Variants in LMO7 observed in about 807,000 individuals in gnomAD.
LMO7 encodes the protein LIM domain only protein 7.
Under a neutral mutation model 206.5 loss-of-function variants are expected in LMO7, and 120 were observed. The observed-to-expected ratio is 0.58, with a 90% CI of 0.50 to 0.68. LMO7 has a LOEUF of 0.68. Ranked by LOEUF, LMO7 falls within the 30% of genes least tolerant of loss-of-function variation. The pLI is 0.00. For missense variants in LMO7, 1,959 were observed against 1,957.9 expected, an observed-to-expected ratio of 1.00 and a Z score of -0.01; for synonymous variants, 706 against 681.5, an observed-to-expected ratio of 1.04 and a Z score of -0.56.
chr13:75,624,898 A>G (rs1467056512), intron 2 of LMO7, among the ~76,000 whole-genome samples: 1 of 151,698 alleles, frequency 6.6e-6, no homozygotes, highest in Non-Finnish European at 1.5e-5. Context: ...CTTAGACACA[A>G]GGATCCACAC....
chr13:75,718,470 T>C (rs1335021694), intron 2 of LMO7, among the ~76,000 whole-genome samples: 2 of 152,206 alleles, frequency 1.3e-5, no homozygotes, highest in African/African-American at 4.8e-5. Context: ...CTGTTGTTTT[T>C]GTTTTGAAGA....
intron 3 of LMO7, among the ~76,000 whole-genome samples, chr13:75,733,243 G>T (rs1268171824): frequency 6.6e-6 from 1 of 152,242 alleles, no homozygotes; most frequent in African/African-American, 2.4e-5. Context: ...AGCCTACAGA[G>T]GCAGGCAGGC....
chr13:75,839,386 G>A (rs1375226188), intron 20 of LMO7, among the ~76,000 whole-genome samples: 2 of 151,990 alleles, frequency 1.3e-5, no homozygotes, highest in African/African-American at 4.8e-5. Context: ...TGACAGCTGA[G>A]GTTTCAAGAA....
intron 3 of LMO7, among the ~76,000 whole-genome samples, chr13:75,752,428 C>T (rs576730191): frequency 7.2e-5 from 11 of 152,210 alleles, no homozygotes; most frequent in Admixed American, 3.3e-4. Flanking sequence ...CCACTGCACC[C>T]GGCCAAAGAA....
At chr13:75,751,952 GA>G (rs2047305800) in intron 3 of LMO7, among the ~76,000 whole-genome samples, 1 of 152,112 alleles carries the variant, frequency 6.6e-6, no homozygotes. Flanking sequence ...AAGTAAAAGT[GA>G]AAGTGACTTT....
intron 2 of LMO7, among the ~76,000 whole-genome samples, chr13:75,717,651 C>A (rs549834288): frequency 6.6e-6 from 1 of 152,044 alleles, no homozygotes; most frequent in Non-Finnish European, 1.5e-5. Flanking sequence ...TTTTAAGGCA[C>A]GGGGTAAGAT....
intron 3 of LMO7, among the ~76,000 whole-genome samples, chr13:75,745,268 G>A (rs1216048439): frequency 6.6e-6 from 1 of 152,096 alleles, no homozygotes; most frequent in Non-Finnish European, 1.5e-5. Flanking sequence ...TGTTGGGTAG[G>A]CTACATTTTA....
chr13:75,834,126 T>C (rs2058925959), intron 16 of LMO7, 100 bp from the exon 17 acceptor site: 1 of 815,416 alleles, frequency 1.2e-6, no homozygotes. Context: ...GAGAAATGGT[T>C]AATTGAAATT....
chr13:75,786,819 A>G (rs2140465778), intron 4 of LMO7, among the ~76,000 whole-genome samples: 1 of 152,262 alleles, frequency 6.6e-6, no homozygotes, highest in South Asian at 2.1e-4. Flanking sequence ...TCTAATTACC[A>G]ATTTACCTAC....
rs1278980489 is a variant in LMO7 at position 75,840,460 on chromosome 13, G to C, written c.3547G>C (p.Glu1183Gln). The change falls in exon 22 of 31, where the codon GAG becomes CAG. Residue 1183 changes from glutamate to glutamine, a missense_variant. By Grantham distance (29) the Glu-to-Gln change is conservative (BLOSUM62 2). Coordinates refer to ENST00000377534, the MANE Select transcript of LMO7 (RefSeq NM_001306080.2). Reference sequence around the variant, plus strand: ...TCAAGAGGAGGAGCGGAAGCGGCAGGAGAGGTGGCAGAAGGAGCAGGACCG... The same window carrying C: ...TCAAGAGGAGGAGCGGAAGCGGCAGCAGAGGTGGCAGAAGGAGCAGGACCG... The part of the protein sequence containing the change: ...WDQEEERKRQ[E>Q]RWQKEQDRLL... 1.9e-6 allele frequency: 3 copies of C among 1,613,926 alleles called. No individual in the cohort carries two copies. The highest frequency in any genetic ancestry group is 1.7e-5 in the Admixed American group (1 of 59,998).
intron 3 of LMO7, among the ~76,000 whole-genome samples, chr13:75,737,864 A>AAC (rs61679054): frequency 6.9e-6 from 1 of 145,228 alleles, no homozygotes; most frequent in East Asian, 2.0e-4. Flanking sequence ...AAAAAAAAAA[A>AAC]CACAGTACAA....
At chr13:75,815,608 TAAG>T (rs1240931672) in intron 11 of LMO7, among the ~76,000 whole-genome samples, 1 of 152,198 alleles carries the variant, frequency 6.6e-6, no homozygotes, top group East Asian at 1.9e-4. Flanking sequence ...GAATGGCATT[TAAG>T]AAGTTATGTA....
intron 1 of LMO7, among the ~76,000 whole-genome samples, chr13:75,683,356 T>C (rs2040714002): frequency 1.3e-5 from 2 of 152,248 alleles, no homozygotes; most frequent in Non-Finnish European, 2.9e-5. Context: ...GATTTGGATA[T>C]TGCAATTAGG....
At chr13:75,707,698 C>T (rs2138005403) in intron 1 of LMO7, among the ~76,000 whole-genome samples, 1 of 152,150 alleles carries the variant, frequency 6.6e-6, no homozygotes, top group South Asian at 2.1e-4. Flanking sequence ...GCCACGTCTT[C>T]AAAATATAAG....
At chr13:75,676,943 T>TA (rs2040064476) in intron 1 of LMO7, among the ~76,000 whole-genome samples, 1 of 152,232 alleles carries the variant, frequency 6.6e-6, no homozygotes. Flanking sequence ...GCTTTTAATA[T>TA]AAAAGCTATG....
At chr13:75,689,980 A>G (rs749007862) in intron 1 of LMO7, among the ~76,000 whole-genome samples, 43 of 151,384 alleles carry the variant, frequency 2.8e-4, no homozygotes, top group Non-Finnish European at 5.4e-4. Context: ...TGACTAATAC[A>G]CTTATTCCTC....
At chr13:75,751,438 G>T (rs1201455662) in intron 3 of LMO7, among the ~76,000 whole-genome samples, 1 of 152,064 alleles carries the variant, frequency 6.6e-6, no homozygotes, top group African/African-American at 2.4e-5. Context: ...GGGATTACAG[G>T]CATGAGCCAC....
At position 75,817,230 on chromosome 13, in the gene LMO7, G is replaced by A. The variant is rs148787382; in HGVS notation, c.2016G>A (p.Met672Ile). The A allele has an allele frequency of 1.5e-4, 239 of 1,613,466 alleles. No homozygotes were observed. Among genetic ancestry groups the A allele is most frequent in the Non-Finnish European group, 1.8e-4 (215 of 1,179,632 alleles). The change falls in exon 12 of 31, where the codon ATG becomes ATA. Residue 672 changes from methionine to isoleucine, a missense_variant. Transcript: ENST00000377534. Reference protein sequence around the residue: ...QNLRQLRYEEMQKIKSQLKEQ... With the variant: ...QNLRQLRYEEIQKIKSQLKEQ... ...TGCGTCAGCTGCGTTACGAGGAGAT[G>A]CAGAAAATAAAATCACAATTAAAAG... is the stretch of plus-strand genomic sequence containing the variant.
intron 2 of LMO7, among the ~76,000 whole-genome samples, chr13:75,626,579 A>T (rs1256640444): frequency 0.18 from 16,701 of 95,318 alleles, 2,863 homozygotes; most frequent in East Asian, 0.47. Context: ...CATATATATT[A>T]TATATATATA....
Sources: allele counts gnomAD v4.1 joint callset (sites outside exome capture counted in the v4.1 genomes callset), GRCh38; gene constraint gnomAD v4.1.1; transcripts MANE v1.5; gene names NCBI Gene and HGNC (gene_info 2026-07-23, HGNC 2026-07-21).